C12orf42: variants seen among roughly 807,000 people sequenced by gnomAD.
C12orf42 encodes the protein chromosome 12 open reading frame 42.
A neutral mutation model predicts 21.6 loss-of-function variants in C12orf42; 25 were observed. That is an observed-to-expected ratio of 1.16 (90% CI 0.84 to 1.62). The LOEUF (loss-of-function observed/expected upper bound fraction) is 1.62, where lower values mean the gene tolerates loss of function less well. Among genes scored for constraint, C12orf42 ranks in the 40% most tolerant of loss-of-function variants. C12orf42 has a pLI of 0.00. For missense variants in C12orf42, 483 were observed against 459.3 expected (o/e 1.05, Z -0.47); for synonymous variants, 174 against 175.0 (o/e 0.99, Z 0.05).
intron 4 of C12orf42, among the ~76,000 whole-genome samples, chr12:103,292,259 G>A (rs1337153087): frequency 6.6e-6 from 1 of 152,108 alleles, no homozygotes; most frequent in Non-Finnish European, 1.5e-5. Flanking sequence ...GCTTGGGGCT[G>A]GGTGTTGCAG....
At position 103,324,291 on chromosome 12, in the gene C12orf42, TAGA is replaced by T. The variant is rs201342930; in HGVS notation, c.260-17949_260-17947del. On this transcript the variant is annotated intron_variant, in intron 4 of 5. Coordinates refer to ENST00000548883, the MANE Select transcript of C12orf42 (RefSeq NM_198521.5). ...TTTTGTAACTACTGATTCAGTAGAG[TAGA>T]AGAAGAGATAATAACTTATGAGTAA... 4.4e-3 allele frequency among the ~76,000 whole-genome samples: 673 copies of T among 152,224 alleles called. 4 individuals are homozygous for T. Among genetic ancestry groups the T allele is most frequent in the African/African-American group, 0.015 (625 of 41,538 alleles).
intron 2 of C12orf42, among the ~76,000 whole-genome samples, chr12:103,448,739 C>T (rs1429655887): frequency 6.6e-6 from 1 of 151,250 alleles, no homozygotes; most frequent in Non-Finnish European, 1.5e-5. Flanking sequence ...AATGCGATAC[C>T]ACCTCACTCC....
At chr12:103,189,509 A>T in the C12orf42 span, among the ~76,000 whole-genome samples, 1 of 152,244 alleles carries the variant, frequency 6.6e-6, no homozygotes, top group African/African-American at 2.4e-5. Context: ...CACAAAAACA[A>T]GAAAAGAACA....
chr12:103,514,224 T>A, the C12orf42 span, among the ~76,000 whole-genome samples: 9 of 152,282 alleles, frequency 5.9e-5, no homozygotes, highest in South Asian at 1.9e-3. Context: ...GCCCTTATGA[T>A]TTAATTATCT....
intron 4 of C12orf42, among the ~76,000 whole-genome samples, chr12:103,342,795 T>C (rs1436819602): frequency 1.3e-5 from 2 of 151,862 alleles, no homozygotes; most frequent in African/African-American, 2.4e-5. Context: ...AAGGTCGACA[T>C]TGATAGGAAA....
the C12orf42 span, among the ~76,000 whole-genome samples, chr12:103,110,308 A>G: frequency 6.6e-6 from 1 of 152,252 alleles, no homozygotes; most frequent in Non-Finnish European, 1.5e-5. Context: ...GACCTTGAGT[A>G]TGAAGGCATT....
At chr12:103,232,627 C>T (rs1460467582), downstream of C12orf42, among the ~76,000 whole-genome samples, 1 of 148,496 alleles carries the variant, frequency 6.7e-6, no homozygotes, top group Non-Finnish European at 1.5e-5. Flanking sequence ...AGGAGAATGG[C>T]ATGAAGCCGG....
At chr12:103,497,816 G>T (rs896660621), upstream of C12orf42, among the ~76,000 whole-genome samples, 20 of 152,136 alleles carry the variant, frequency 1.3e-4, no homozygotes, top group African/African-American at 4.8e-4. Flanking sequence ...CGGATCACTA[G>T]GTCTGGAGAT....
intron 3 of C12orf42, among the ~76,000 whole-genome samples, chr12:103,379,849 T>C (rs1310238437): frequency 6.6e-6 from 1 of 152,202 alleles, no homozygotes; most frequent in Non-Finnish European, 1.5e-5. Flanking sequence ...TTCTTTCTAA[T>C]TAAGGGTAAT....
chr12:103,434,603 C>T (rs908591233), intron 2 of C12orf42, among the ~76,000 whole-genome samples: 1 of 152,160 alleles, frequency 6.6e-6, no homozygotes, highest in Non-Finnish European at 1.5e-5. Context: ...CACAAGGGGT[C>T]AGGGAGTTCC....
the C12orf42 span, among the ~76,000 whole-genome samples, chr12:103,179,651 A>C: frequency 1.3e-5 from 2 of 152,218 alleles, no homozygotes; most frequent in Non-Finnish European, 2.9e-5. Flanking sequence ...ACAACAGGGA[A>C]CCACTGAAAG....
chr12:103,366,640 A>G (rs975651452), intron 4 of C12orf42, among the ~76,000 whole-genome samples: 2 of 152,132 alleles, frequency 1.3e-5, no homozygotes, highest in African/African-American at 4.8e-5. Flanking sequence ...CCCATCAAGA[A>G]GTGGGCTAGG....
intron 2 of C12orf42, among the ~76,000 whole-genome samples, chr12:103,419,234 A>G (rs76496997): frequency 0.014 from 2,068 of 152,278 alleles, 46 homozygotes; most frequent in African/African-American, 0.047. Context: ...TTGAGATGGC[A>G]AAGAACCTTA....
the C12orf42 span, among the ~76,000 whole-genome samples, chr12:103,216,195 T>C: frequency 6.6e-6 from 1 of 152,168 alleles, no homozygotes; most frequent in Non-Finnish European, 1.5e-5. Flanking sequence ...GGCAACACAA[T>C]TATTGGATTC....
At chr12:103,414,627 C>G (rs1006989510) in intron 2 of C12orf42, among the ~76,000 whole-genome samples, 1 of 151,994 alleles carries the variant, frequency 6.6e-6, no homozygotes, top group African/African-American at 2.4e-5. Flanking sequence ...TAGCTGTATT[C>G]CTAGGTATAT....
At chr12:103,073,893 G>C in the C12orf42 span, among the ~76,000 whole-genome samples, 1 of 152,104 alleles carries the variant, frequency 6.6e-6, no homozygotes, top group Non-Finnish European at 1.5e-5. Flanking sequence ...TATTTTAAGA[G>C]ACGTCATACG....
At chr12:103,144,226 T>C in the C12orf42 span, among the ~76,000 whole-genome samples, 35,118 of 150,176 alleles carry the variant, frequency 0.23, 5,006 homozygotes, top group African/African-American at 0.4. Flanking sequence ...ATTCTGTTAA[T>C]AGAAAAAAAG....
the C12orf42 span, chr12:103,558,537 CT>C: frequency 6.6e-6 from 1 of 152,224 alleles, no homozygotes; most frequent in South Asian, 2.1e-4. Flanking sequence ...TGCAAAAGGG[CT>C]TCCCCAATGA....
intron 2 of C12orf42, chr12:103,431,220 C>T (rs768858135): frequency 6.6e-6 from 1 of 152,174 alleles, no homozygotes; most frequent in Non-Finnish European, 1.5e-5. Context: ...CACCAGCATT[C>T]ATCCAGGGAG....
Sources: gnomAD v4.1 joint callset for allele counts (sites outside exome capture counted in the v4.1 genomes callset) on GRCh38, gnomAD v4.1.1 for gene constraint, MANE v1.5 for transcripts, NCBI Gene and HGNC (gene_info 2026-07-23, HGNC 2026-07-21) for gene names.